Variants in PREX2 observed in about 807,000 individuals in gnomAD.
PREX2 encodes the protein phosphatidylinositol-3,4,5-trisphosphate dependent Rac exchange factor 2.
Under a neutral mutation model 203.2 loss-of-function variants are expected in PREX2, and 107 were observed. That is an observed-to-expected ratio of 0.53 (90% CI 0.45 to 0.62). The LOEUF (loss-of-function observed/expected upper bound fraction) is 0.62, where lower values mean the gene tolerates loss of function less well. Ranked by LOEUF, PREX2 falls within the 20% of genes least tolerant of loss-of-function variation. The pLI is 0.00. For missense variants in PREX2, 1,777 were observed against 1,955.9 expected (o/e 0.91, Z 1.72); for synonymous variants, 672 against 663.6 (o/e 1.01, Z -0.19).
At chr8:68,067,572 A>T (rs1293064010) in intron 11 of PREX2, among the ~76,000 whole-genome samples, 1 of 151,834 alleles carries the variant, frequency 6.6e-6, no homozygotes, top group Admixed American at 6.6e-5. Flanking sequence ...GACACTACTG[A>T]TTTTTTTAAT....
intron 17 of PREX2, chr8:68,082,370 G>A (rs943948123): frequency 2.0e-5 from 3 of 152,146 alleles, no homozygotes; most frequent in Non-Finnish European, 2.9e-5. Context: ...AATGCCCAAG[G>A]TCTCTGTTTT....
intron 9 of PREX2, among the ~76,000 whole-genome samples, chr8:68,054,928 C>T (rs1808630009): frequency 6.6e-6 from 1 of 152,224 alleles, no homozygotes; most frequent in African/African-American, 2.4e-5. Context: ...CTCTTTCTTC[C>T]ATGCCCACAT....
chr8:68,111,684 G>A (rs1810538183), intron 25 of PREX2, among the ~76,000 whole-genome samples: 1 of 152,186 alleles, frequency 6.6e-6, no homozygotes, highest in East Asian at 1.9e-4. Context: ...ACCACATCAT[G>A]TAATTCTAAG....
At chr8:68,190,136 A>G (rs1034195238) in intron 35 of PREX2, among the ~76,000 whole-genome samples, 2 of 152,216 alleles carry the variant, frequency 1.3e-5, no homozygotes, top group Admixed American at 1.3e-4. Context: ...GCCCAATTAT[A>G]CTGTGAATTT....
In PREX2 at chr8:68,033,897, G is replaced by T. The variant is rs536694796; in HGVS notation, c.705+3239G>T. On this transcript the variant is annotated intron_variant, in intron 6 of 39. Coordinates refer to ENST00000288368, the MANE Select transcript of PREX2 (RefSeq NM_024870.4). ...CCATTGAACAGATTTAAAAAATGAA[G>T]GCTATTTAACCTACACGAGTTCTTA... 1.3e-3 allele frequency among the ~76,000 whole-genome samples: 196 copies of T among 152,150 alleles called. 1 individual carries two copies. The highest frequency in any genetic ancestry group is 4.5e-3 in the African/African-American group (185 of 41,530).
At chr8:68,010,883 G>A (rs1205813756) in intron 1 of PREX2, among the ~76,000 whole-genome samples, 1 of 152,100 alleles carries the variant, frequency 6.6e-6, no homozygotes, top group Non-Finnish European at 1.5e-5. Context: ...AGGGTTTGGT[G>A]TATCCCTGAC....
rs565609615 is a variant in PREX2, at chr8:68,005,412, C to T, written c.142-12434C>T. Reference sequence around the variant, plus strand: ...AGCTGGAGTGAGCTTCACACCAACTCTGCTTACAAACTTTCAATGGCTGCC... The same window carrying T: ...AGCTGGAGTGAGCTTCACACCAACTTTGCTTACAAACTTTCAATGGCTGCC... On this transcript the variant is annotated intron_variant, in intron 1 of 39. Coordinates refer to ENST00000288368, the MANE Select transcript of PREX2 (RefSeq NM_024870.4). Among the ~76,000 whole-genome samples, 115 of 152,284 alleles carry T rather than the reference C, an allele frequency of 7.6e-4. 4 individuals are homozygous for T. The South Asian group carries it at 0.021, about 28-fold the overall frequency.
intron 32 of PREX2, among the ~76,000 whole-genome samples, 165 bp downstream of exon 32, chr8:68,134,441 A>G (rs1015046423): frequency 3.3e-5 from 5 of 152,290 alleles, no homozygotes; most frequent in Middle Eastern, 3.4e-3. Context: ...TTCAAATTTT[A>G]ATAAGTATGT....
chr8:68,059,336 T>C (rs935003811), intron 10 of PREX2, among the ~76,000 whole-genome samples: 17 of 152,134 alleles, frequency 1.1e-4, no homozygotes, highest in Non-Finnish European at 2.1e-4. Context: ...TCCTAAGTGA[T>C]ACAAAACATC....
At chr8:68,140,355 G>A (rs965381845) in intron 33 of PREX2, among the ~76,000 whole-genome samples, 1 of 152,130 alleles carries the variant, frequency 6.6e-6, no homozygotes, top group Non-Finnish European at 1.5e-5. Flanking sequence ...CTGCACTATT[G>A]AACACTAAAA....
At chr8:67,992,309 A>G (rs559146475) in intron 1 of PREX2, among the ~76,000 whole-genome samples, 1 of 151,568 alleles carries the variant, frequency 6.6e-6, no homozygotes, top group East Asian at 1.9e-4. Flanking sequence ...TTAAGACACA[A>G]CCCCCTAATC....
At chr8:67,975,813 C>G (rs1368062474) in intron 1 of PREX2, among the ~76,000 whole-genome samples, 1 of 141,740 alleles carries the variant, frequency 7.1e-6, no homozygotes, top group East Asian at 2.2e-4. Context: ...AAGTGATTCT[C>G]CTGCCTCAGC....
chr8:67,962,997 A>G (rs1276536185), intron 1 of PREX2, among the ~76,000 whole-genome samples: 1 of 152,202 alleles, frequency 6.6e-6, no homozygotes, highest in African/African-American at 2.4e-5. Context: ...CTTCATAATG[A>G]AACCTCTGGC....
intron 37 of PREX2, among the ~76,000 whole-genome samples, chr8:68,198,840 T>C: frequency 6.6e-6 from 1 of 152,174 alleles, no homozygotes; most frequent in East Asian, 1.9e-4. Flanking sequence ...GTCTTCATAT[T>C]CTCTTCACTC....
Position 68,118,466 on chromosome 8 carries a change from CTGATA to C in PREX2, c.3327-82_3327-78del, listed in dbSNP as rs1400052033. 3.8e-6 allele frequency: 3 copies of C among 783,226 alleles called. No individual in the cohort carries two copies. In the African/African-American group the frequency reaches 5.2e-5, roughly 14 times the overall value. 48.5% of individuals were successfully genotyped at this position (783,226 alleles called of 1,614,324 possible). A position where few individuals can be genotyped will look rare whatever the true frequency, so the allele number is the denominator to read the frequency against. On this transcript the variant is annotated intron_variant, in intron 26 of 39. Coordinates refer to ENST00000288368, the MANE Select transcript of PREX2 (RefSeq NM_024870.4). ...CTCTAAAACATACTAATAAATATAA[CTGATA>C]TAAGTTTATGTCATAAGAAATTGCA... is the stretch of plus-strand genomic sequence containing the variant.
chr8:67,992,032 G>A (rs766597759), intron 1 of PREX2, among the ~76,000 whole-genome samples: 27 of 152,176 alleles, frequency 1.8e-4, no homozygotes, highest in African/African-American at 5.8e-4. Flanking sequence ...TGAAAAGATA[G>A]CCCAAGCAAT....
intron 35 of PREX2, among the ~76,000 whole-genome samples, chr8:68,181,104 G>A (rs1026901429): frequency 6.6e-6 from 1 of 151,982 alleles, no homozygotes; most frequent in Non-Finnish European, 1.5e-5. Flanking sequence ...GCTCTCTGTC[G>A]GTTAGTTGCC....
chr8:68,145,315 A>G (rs934137510), intron 33 of PREX2, among the ~76,000 whole-genome samples: 8 of 152,144 alleles, frequency 5.3e-5, no homozygotes, highest in South Asian at 2.1e-4. Flanking sequence ...CCATATTGGT[A>G]TGCAGAATTA....
chr8:68,039,171 A>C (rs1199461271), intron 7 of PREX2, among the ~76,000 whole-genome samples: 1 of 152,082 alleles, frequency 6.6e-6, no homozygotes, highest in African/African-American at 2.4e-5. Flanking sequence ...TTATGTTGTC[A>C]CTTTTTCTAC....
Sources: gnomAD v4.1 joint callset for allele counts (sites outside exome capture counted in the v4.1 genomes callset) on GRCh38, gnomAD v4.1.1 for gene constraint, MANE v1.5 for transcripts, NCBI Gene and HGNC (gene_info 2026-07-23, HGNC 2026-07-21) for gene names.